The following ZNF704 variants were observed in gnomAD, a reference collection of about 807,000 sequenced individuals.
The protein encoded by ZNF704 is glucocorticoid induced gene 1.
ZNF704 carries 10 observed loss-of-function variants against 44.7 expected under a neutral mutation model. The observed-to-expected ratio is 0.22, with a 90% confidence interval of 0.14 to 0.38. The LOEUF is 0.38. Ranked by LOEUF, ZNF704 falls within the 10% of genes least tolerant of loss-of-function variation. The pLI, the probability that ZNF704 is intolerant of heterozygous loss-of-function variation, is 1.00. For missense variants in ZNF704, 390 were observed against 545.5 expected (o/e 0.71, Z 2.84); for synonymous variants, 211 against 207.6 (o/e 1.02, Z -0.14).
At chr8:80,803,842 TTAAAC>T (rs1389180508) in intron 2 of ZNF704, among the ~76,000 whole-genome samples, 1 of 152,162 alleles carries the variant, frequency 6.6e-6, no homozygotes, top group Non-Finnish European at 1.5e-5. Flanking sequence ...TGGGATCTAA[TTAAAC>T]TAAAGAGCTT....
chr8:80,634,697 C>A lies in ZNF704; in HGVS notation c.*6669G>T, dbSNP rs985870237. On this transcript the variant is annotated 3_prime_UTR_variant, in exon 9 of 9. Transcript: ENST00000327835. ...AGAGGGCATGTGTTCTGCAGTTCAACCTGGTCTCCACCATTCTTGTGTTCC... is the reference window on the plus strand; with the variant it reads ...AGAGGGCATGTGTTCTGCAGTTCAAACTGGTCTCCACCATTCTTGTGTTCC... 1 of 152,250 alleles carries A rather than the reference C, an allele frequency of 6.6e-6. No homozygotes were observed. Among genetic ancestry groups the A allele is most frequent in the Admixed American group, 6.5e-5 (1 of 15,276 alleles). The allele number at this position is 152,250 out of a possible 1,614,324, so 9.4% of individuals were successfully genotyped here. A position where few individuals can be genotyped will look rare whatever the true frequency, so the allele number is the denominator to read the frequency against.
In ZNF704 at chr8:80,629,686, T is replaced by C. The variant is rs1298800757; in HGVS notation, c.*11680A>G. On this transcript the variant is annotated 3_prime_UTR_variant, in exon 9 of 9. Transcript: ENST00000327835. ...AAATATAAGTAATTTTGAAAAAAGA[T>C]CAATGATTTGCTTTGCTGGACAATA... 1.3e-5 allele frequency: 2 copies of C among 152,228 alleles called. No individual in the cohort carries two copies. The highest frequency in any genetic ancestry group is 4.8e-5 in the African/African-American group (2 of 41,474). The allele number at this position is 152,228 out of a possible 1,614,324, so 9.4% of individuals were successfully genotyped here.
chr8:80,858,932 T>C (rs1008949001), intron 1 of ZNF704, among the ~76,000 whole-genome samples: 2 of 152,216 alleles, frequency 1.3e-5, no homozygotes, highest in African/African-American at 4.8e-5. Flanking sequence ...TATTTTAAAA[T>C]TGCCCAGTAT....
At chr8:80,702,781 T>C (rs1384212489) in intron 2 of ZNF704, among the ~76,000 whole-genome samples, 1 of 152,048 alleles carries the variant, frequency 6.6e-6, no homozygotes, top group Non-Finnish European at 1.5e-5. Flanking sequence ...GTCCAAGGTA[T>C]GGCCGTGGGA....
At chr8:80,822,608 T>C (rs892749362) in intron 1 of ZNF704, among the ~76,000 whole-genome samples, 1 of 152,244 alleles carries the variant, frequency 6.6e-6, no homozygotes, top group African/African-American at 2.4e-5. Flanking sequence ...TCTAGATCCC[T>C]GAGGAATCGC....
At chr8:80,680,190 G>A (rs1818431189) in intron 4 of ZNF704, among the ~76,000 whole-genome samples, 1 of 152,082 alleles carries the variant, frequency 6.6e-6, no homozygotes, top group South Asian at 2.1e-4. Flanking sequence ...AAACATGGCT[G>A]GAATTTGAAG....
chr8:80,645,128 C>T lies in ZNF704; in HGVS notation c.1033-1999G>A. On this transcript the variant is annotated intron_variant, in intron 7 of 8. Transcript: ENST00000327835. ...GCATGACATGTCGATACTCAAACTC[C>T]TCGTCGTCGTATTTGTCCAAATAGT... The T allele has an allele frequency of 3.7e-6, 6 of 1,609,182 alleles. No individual in the cohort carries two copies. The Middle Eastern group carries it at 9.0e-4, about 241-fold the overall frequency.
At chr8:80,641,834 G>A (rs1380090503) in intron 8 of ZNF704, among the ~76,000 whole-genome samples, 1 of 152,146 alleles carries the variant, frequency 6.6e-6, no homozygotes, top group African/African-American at 2.4e-5. Context: ...CTCCAGCCTG[G>A]GAGACAGCGA....
intron 2 of ZNF704, among the ~76,000 whole-genome samples, chr8:80,701,984 C>G (rs1818817782): frequency 6.6e-6 from 1 of 152,044 alleles, no homozygotes; most frequent in Non-Finnish European, 1.5e-5. Flanking sequence ...GTTTGTTCTT[C>G]AGATGAAAGG....
At chr8:80,735,240 C>G (rs1186081963) in intron 2 of ZNF704, among the ~76,000 whole-genome samples, 2 of 152,272 alleles carry the variant, frequency 1.3e-5, no homozygotes, top group Non-Finnish European at 2.9e-5. Flanking sequence ...TAGGTGCTCT[C>G]TTTCCTCCTT....
intron 1 of ZNF704, among the ~76,000 whole-genome samples, chr8:80,844,784 T>G (rs1391860315): frequency 6.6e-6 from 1 of 152,118 alleles, no homozygotes; most frequent in Non-Finnish European, 1.5e-5. Context: ...AGTTATAGTT[T>G]AAAAAATCTT....
At chr8:80,838,107 C>G (rs1325143031) in intron 1 of ZNF704, among the ~76,000 whole-genome samples, 3 of 152,222 alleles carry the variant, frequency 2.0e-5, no homozygotes, top group Non-Finnish European at 4.4e-5. Flanking sequence ...CCCATCCTCC[C>G]TGGCTCAAAT....
chr8:80,687,536 G>T (rs1191526930), intron 3 of ZNF704, 78 bp from the exon 4 acceptor site: 6 of 1,142,860 alleles, frequency 5.2e-6, no homozygotes, highest in Non-Finnish European at 2.4e-6. Flanking sequence ...GGGAGCCTTG[G>T]TTCTACACCA....
intron 2 of ZNF704, among the ~76,000 whole-genome samples, chr8:80,780,298 T>C (rs1304012074): frequency 6.6e-6 from 1 of 152,052 alleles, no homozygotes; most frequent in African/African-American, 2.4e-5. Context: ...TTTCGAAGAG[T>C]AGGAAACCGT....
chr8:80,693,849 G>A (rs1430961281), intron 2 of ZNF704, among the ~76,000 whole-genome samples: 1 of 152,138 alleles, frequency 6.6e-6, no homozygotes, highest in Non-Finnish European at 1.5e-5. Flanking sequence ...CTTTAAGCAG[G>A]CCTAGTGAAG....
At chr8:80,862,600 A>C (rs980288577) in intron 1 of ZNF704, among the ~76,000 whole-genome samples, 1 of 149,070 alleles carries the variant, frequency 6.7e-6, no homozygotes, top group Non-Finnish European at 1.5e-5. Flanking sequence ...TCTCTACCAA[A>C]AAAAAAAAAA....
intron 2 of ZNF704, among the ~76,000 whole-genome samples, chr8:80,804,619 C>A (rs568023866): frequency 3.9e-5 from 6 of 152,160 alleles, no homozygotes; most frequent in African/African-American, 1.4e-4. Context: ...TAAGTGGGAG[C>A]TGAAGGATGA....
chr8:80,837,619 C>A (rs118096003), intron 1 of ZNF704, among the ~76,000 whole-genome samples: 1 of 152,196 alleles, frequency 6.6e-6, no homozygotes, highest in African/African-American at 2.4e-5. Context: ...GGAAATCCAG[C>A]CCCCTACTCC....
rs1817606143 is a variant in ZNF704 at position 80,632,698 on chromosome 8, T to G, written c.*8668A>C. 1 of 152,212 alleles carries G rather than the reference T, an allele frequency of 6.6e-6. No individual in the cohort carries two copies. Among genetic ancestry groups the G allele is most frequent in the Non-Finnish European group, 1.5e-5 (1 of 68,052 alleles). The allele number at this position is 152,212 out of a possible 1,614,324, so 9.4% of individuals were successfully genotyped here. On this transcript the variant is annotated 3_prime_UTR_variant, in exon 9 of 9. Transcript: ENST00000327835. ...TTAAAAAACAAGGACTACAGTTTAA[T>G]CACCATCTCTGCCTCCTTTCAAAAT...
Sources: gnomAD v4.1 joint callset for allele counts (sites outside exome capture counted in the v4.1 genomes callset) on GRCh38, gnomAD v4.1.1 for gene constraint, MANE v1.5 for transcripts, NCBI Gene and HGNC (gene_info 2026-07-23, HGNC 2026-07-21) for gene names.